Variants in CDH9 observed in about 807,000 individuals in gnomAD.
CDH9 encodes the protein cadherin-9.
Under a neutral mutation model 70.9 loss-of-function variants are expected in CDH9, and 28 were observed. The observed-to-expected ratio is 0.40, with a 90% CI of 0.29 to 0.54. CDH9 has a LOEUF of 0.54. Ranked by LOEUF, CDH9 falls within the 20% of genes least tolerant of loss-of-function variation. The pLI is 0.59. For missense variants in CDH9, 874 were observed against 984.4 expected (o/e 0.89, Z 1.50); for synonymous variants, 409 against 343.1 (o/e 1.19, Z -2.12).
rs770257797 is a variant in CDH9 at position 26,988,306 on chromosome 5, A to G, written c.28T>C (p.Phe10Leu). 6.2e-7 allele frequency: 1 copy of G among 1,612,956 alleles called. No homozygotes were observed. Among genetic ancestry groups the G allele is most frequent in the Non-Finnish European group, 8.5e-7 (1 of 1,179,180 alleles). Residue 10 changes from phenylalanine (F) to leucine (L), a missense_variant, in exon 2 of 12, where the codon TTC becomes CTC. By Grantham distance (22) the Phe-to-Leu change is conservative. Coordinates refer to ENST00000231021, the MANE Select transcript of CDH9 (RefSeq NM_016279.4). Reference sequence around the variant, plus strand: ...GTATGGAACATATAGGTCCAGATGAATAATGGTATATAATGGTAAGTCCTC... The same window carrying G: ...GTATGGAACATATAGGTCCAGATGAGTAATGGTATATAATGGTAAGTCCTC... Reference protein sequence around the residue: MRTYHYIPLFIWTYMFHTVD... With the variant: MRTYHYIPLLIWTYMFHTVD...
chr5:26,891,431 A>C (rs2111974243), intron 7 of CDH9, among the ~76,000 whole-genome samples: 1 of 152,274 alleles, frequency 6.6e-6, no homozygotes, highest in East Asian at 1.9e-4. Context: ...GTAATCCCAA[A>C]ATTTTGGAGG....
intron 2 of CDH9, among the ~76,000 whole-genome samples, chr5:26,981,353 G>A (rs11960257): frequency 0.47 from 71,965 of 151,800 alleles, 17,876 homozygotes; most frequent in African/African-American, 0.52. Context: ...TAGATTACTT[G>A]TAATACCTAA....
At chr5:27,018,854 C>A (rs761070484) in intron 1 of CDH9, among the ~76,000 whole-genome samples, 1 of 151,924 alleles carries the variant, frequency 6.6e-6, no homozygotes, top group Non-Finnish European at 1.5e-5. Flanking sequence ...CCAGTCTGGA[C>A]TGGGGCACTA....
rs112561263 is a variant in CDH9 at position 27,027,665 on chromosome 5, A to C, written c.-50+10798T>G. ...GACTCTACCTGTCCTTACGCTGACT[A>C]TCAAAAAATATTGCCTACTAAACTT... On this transcript the variant is annotated intron_variant, in intron 1 of 11. Transcript: ENST00000231021. Among the ~76,000 whole-genome samples, 535 of 152,164 alleles carry C rather than the reference A, an allele frequency of 3.5e-3. 2 individuals carry two copies. The highest frequency in any genetic ancestry group is 5.7e-3 in the Non-Finnish European group (387 of 67,990).
intron 2 of CDH9, among the ~76,000 whole-genome samples, chr5:26,968,388 C>T (rs531485435): frequency 2.4e-4 from 37 of 152,054 alleles, no homozygotes; most frequent in Non-Finnish European, 4.7e-4. Context: ...CAGGTTCAAG[C>T]GATTCTCCAG....
intron 1 of CDH9, among the ~76,000 whole-genome samples, chr5:27,034,484 A>G (rs1223219801): frequency 6.6e-6 from 1 of 151,766 alleles, no homozygotes; most frequent in East Asian, 1.9e-4. Context: ...AAAATCTCAG[A>G]AAAACTTTGA....
At chr5:27,011,863 C>G (rs994170885) in intron 1 of CDH9, among the ~76,000 whole-genome samples, 4 of 151,800 alleles carry the variant, frequency 2.6e-5, no homozygotes, top group African/African-American at 9.7e-5. Context: ...TCTCTCTCTG[C>G]CTCTGTTTCT....
At chr5:27,029,479 A>C (rs1203612043) in intron 1 of CDH9, among the ~76,000 whole-genome samples, 1 of 152,036 alleles carries the variant, frequency 6.6e-6, no homozygotes, top group Non-Finnish European at 1.5e-5. Flanking sequence ...AGAGAAAGTT[A>C]CAAGCAGATA....
At chr5:26,917,104 T>G (rs1741163548) in intron 2 of CDH9, among the ~76,000 whole-genome samples, 1 of 152,002 alleles carries the variant, frequency 6.6e-6, no homozygotes. Context: ...CCTAACACGA[T>G]TCTGAAAATA....
chr5:26,936,222 C>A (rs1055133092), intron 2 of CDH9, among the ~76,000 whole-genome samples: 6 of 151,946 alleles, frequency 3.9e-5, no homozygotes, highest in Admixed American at 2.0e-4. Context: ...GCCAAAACCG[C>A]CTGTATCCGC....
chr5:26,885,957 T>G lies in CDH9; in HGVS notation c.1630+9A>C. 6.3e-7 allele frequency: 1 copy of G among 1,590,314 alleles called. No homozygotes were observed. The highest frequency in any genetic ancestry group is 8.5e-7 in the Non-Finnish European group (1 of 1,170,830). On this transcript the variant is annotated intron_variant, in intron 10 of 11. Coordinates refer to ENST00000231021, the MANE Select transcript of CDH9 (RefSeq NM_016279.4). ...TTCATAATTTTTAGTTTTAGAAATT[T>G]TCTTATACCTTTATTATCTACAATG...
chr5:26,945,465 C>T (rs1561012462), intron 2 of CDH9, among the ~76,000 whole-genome samples: 1 of 151,960 alleles, frequency 6.6e-6, no homozygotes, highest in Non-Finnish European at 1.5e-5. Context: ...CTGGCTATTA[C>T]CTTTTACTTC....
chr5:26,944,370 T>C (rs988758295), intron 2 of CDH9, among the ~76,000 whole-genome samples: 3 of 152,144 alleles, frequency 2.0e-5, no homozygotes, highest in Non-Finnish European at 4.4e-5. Context: ...AAGGATAACT[T>C]GGTTGGGCAG....
rs112888528 is a variant in CDH9, at chr5:26,890,048, T to C, written c.1391-91A>G. On this transcript the variant is annotated intron_variant, in intron 8 of 11. Transcript: ENST00000231021. ...TTTGTAGCTTAGCAACAGATCCTTT[T>C]TGTGGTGTTCACTTTCTCAATTGGG... is the stretch of plus-strand genomic sequence containing the variant. 23 of 1,203,010 alleles carry C rather than the reference T, an allele frequency of 1.9e-5. 1 individual carries two copies. In the Middle Eastern group the frequency reaches 7.7e-4, roughly 40 times the overall value. The allele number at this position is 1,203,010 out of a possible 1,614,324, so 74.5% of individuals were successfully genotyped here. A position where few individuals can be genotyped will look rare whatever the true frequency, so the allele number is the denominator to read the frequency against.
At chr5:26,948,796 A>C (rs1741796952) in intron 2 of CDH9, among the ~76,000 whole-genome samples, 1 of 152,222 alleles carries the variant, frequency 6.6e-6, no homozygotes, top group African/African-American at 2.4e-5. Context: ...GTGACAAAAA[A>C]GGCTATATCT....
chr5:26,933,515 G>A (rs1320329237), intron 2 of CDH9, among the ~76,000 whole-genome samples: 3 of 151,884 alleles, frequency 2.0e-5, no homozygotes, highest in Admixed American at 6.6e-5. Context: ...ACTGGCTCAC[G>A]CCTGTAATTC....
rs988792875 is a variant in CDH9 at position 26,988,189 on chromosome 5, G to A, written c.145C>T (p.Arg49Cys). The change falls in exon 2 of 12, where the codon CGT becomes TGT. Residue 49 changes from arginine (R) to cysteine (C), a missense_variant. By Grantham distance (180) the Arg-to-Cys change is radical. Transcript: ENST00000231021. ...CACATCCAGCCACGCTTGGTGCGAC[G>A]TAGCATTTTACCGTCATCTTTTGTC... The part of the protein sequence containing the change: ...GLTKDDGKML[R>C]RTKRGWMWNQ... 6.8e-6 allele frequency: 11 copies of A among 1,613,298 alleles called. No individual in the cohort carries two copies. The highest frequency in any genetic ancestry group is 9.3e-6 in the Non-Finnish European group (11 of 1,179,630).
chr5:27,000,750 A>C (rs1278483197), intron 1 of CDH9, among the ~76,000 whole-genome samples: 1 of 152,188 alleles, frequency 6.6e-6, no homozygotes, highest in African/African-American at 2.4e-5. Context: ...AGATTGTGAT[A>C]GATTCCTATA....
Position 26,890,547 on chromosome 5 carries a change from T to G in CDH9, c.1271A>C (p.His424Pro). 6.2e-7 allele frequency: 1 copy of G among 1,608,430 alleles called. No individual in the cohort carries two copies. Among genetic ancestry groups the G allele is most frequent in the Non-Finnish European group, 8.5e-7 (1 of 1,174,930 alleles). Residue 424 changes from histidine to proline, a missense_variant, in exon 8 of 12, where the codon CAT becomes CCT. His to Pro is a moderately conservative substitution (Grantham distance 77, BLOSUM62 -2). Coordinates refer to ENST00000231021, the MANE Select transcript of CDH9 (RefSeq NM_016279.4). ...NNLIKYSVDR[H>P]TDMDRIFGIH... ...ACCAAAAATACGGTCCATATCAGTATGCCGATCAACAGAGTACCTGGCAGA... is the reference window on the plus strand; with the variant it reads ...ACCAAAAATACGGTCCATATCAGTAGGCCGATCAACAGAGTACCTGGCAGA...
Sources: allele counts gnomAD v4.1 joint callset (sites outside exome capture counted in the v4.1 genomes callset), GRCh38; gene constraint gnomAD v4.1.1; transcripts MANE v1.5; gene names NCBI Gene and HGNC (gene_info 2026-07-23, HGNC 2026-07-21).